Variants in STAB2 observed in about 807,000 individuals in gnomAD.
STAB2 encodes stabilin 2.
Under a neutral mutation model 338.1 loss-of-function variants are expected in STAB2, and 288 were observed. That is an observed-to-expected ratio of 0.85 (90% confidence interval 0.77 to 0.94). STAB2 has a LOEUF of 0.94. Ranked by LOEUF, STAB2 falls within the 40% of genes least tolerant of loss-of-function variation. The pLI is 0.00. For missense variants in STAB2, 3,141 were observed against 3,210.1 expected (o/e 0.98, Z 0.52); for synonymous variants, 1,202 against 1,193.3 (o/e 1.01, Z -0.15).
At position 103,750,702 on chromosome 12, in the gene STAB2, G is replaced by A. The variant is rs1464481902; in HGVS notation, c.6562G>A (p.Val2188Ile). The A allele has an allele frequency of 6.2e-7, 1 of 1,613,708 alleles. No individual in the cohort carries two copies. The highest frequency in any genetic ancestry group is 8.5e-7 in the Non-Finnish European group (1 of 1,179,730). ...NGQCHADAKC[V>I]DLHFQDTTVG... ...GCAGTGCCATGCAGACGCCAAATGT[G>A]TCGACCTCCACTTCCAGGGTTAGTG... The change falls in exon 60 of 69, where the codon GTC becomes ATC. Residue 2188 changes from valine to isoleucine, a missense_variant. Coordinates refer to ENST00000388887, the MANE Select transcript of STAB2 (RefSeq NM_017564.10).
rs1884990097 is a variant in STAB2 at position 103,766,710 on chromosome 12, CAG to C, written c.*376_*377del. On this transcript the variant is annotated 3_prime_UTR_variant, in exon 69 of 69. Coordinates refer to ENST00000388887, the MANE Select transcript of STAB2 (RefSeq NM_017564.10). ...CTGTGCACAATAAAGGTTTATGGAACAGAAACAAAGTCAACAGAACAAACCTA... is the reference window on the plus strand; with the variant it reads ...CTGTGCACAATAAAGGTTTATGGAACAAACAAAGTCAACAGAACAAACCTA... 2 of 185,608 alleles carry C rather than the reference CAG, an allele frequency of 1.1e-5. No individual in the cohort carries two copies. Among genetic ancestry groups the C allele is most frequent in the Non-Finnish European group, 2.3e-5 (2 of 87,418 alleles). The allele number at this position is 185,608 out of a possible 1,614,324, so 11.5% of individuals were successfully genotyped here.
chr12:103,637,223 C>T lies in STAB2; in HGVS notation c.696C>T (p.Gly232=). 6.2e-7 allele frequency: 1 copy of T among 1,611,244 alleles called. No homozygotes were observed. The highest frequency in any genetic ancestry group is 2.2e-5 in the East Asian group (1 of 44,796). Residue 232 remains glycine (G), a synonymous_variant, in exon 7 of 69, where the codon GGC becomes GGT. Transcript: ENST00000388887. ...GCCTTCCCAATTACCGAGGCGATGGCAAATACTGCGACCGTGAGTAGAATT... is the reference window on the plus strand; with the variant it reads ...GCCTTCCCAATTACCGAGGCGATGGTAAATACTGCGACCGTGAGTAGAATT... ...CKCLPNYRGD[G]KYCDPINPCL...
intron 5 of STAB2, among the ~76,000 whole-genome samples, chr12:103,623,498 G>C (rs1404865044): frequency 1.3e-5 from 2 of 152,166 alleles, no homozygotes; most frequent in Non-Finnish European, 2.9e-5. Flanking sequence ...GAGTGTCAGA[G>C]TTACGAAATA....
chr12:103,627,019 G>T (rs976456398), intron 5 of STAB2, among the ~76,000 whole-genome samples: 16 of 152,220 alleles, frequency 1.1e-4, no homozygotes, highest in African/African-American at 3.1e-4. Flanking sequence ...CTGGGCACCT[G>T]CTGTGTGTCA....
chr12:103,591,718 G>A (rs913932844), intron 2 of STAB2, among the ~76,000 whole-genome samples: 1 of 152,156 alleles, frequency 6.6e-6, no homozygotes, highest in Admixed American at 6.5e-5. Context: ...AAGATGAATT[G>A]CAGCATGGTT....
intron 6 of STAB2, among the ~76,000 whole-genome samples, chr12:103,632,194 G>A (rs1957474846): frequency 6.6e-6 from 1 of 152,224 alleles, no homozygotes; most frequent in Non-Finnish European, 1.5e-5. Context: ...GGGAAATTCT[G>A]AAAACAATCT....
In STAB2 at chr12:103,675,963, C is replaced by T. The variant is rs948487869; in HGVS notation, c.2588C>T (p.Thr863Ile). 1 of 1,612,974 alleles carries T rather than the reference C, an allele frequency of 6.2e-7. No homozygotes were observed. The highest frequency in any genetic ancestry group is 1.7e-5 in the Admixed American group (1 of 59,936). Residue 863 changes from threonine (T) to isoleucine (I), a missense_variant, in exon 24 of 69, where the codon ACT becomes ATT. Physicochemically the swap from Thr to Ile is moderately conservative, Grantham distance 89. Coordinates refer to ENST00000388887, the MANE Select transcript of STAB2 (RefSeq NM_017564.10). ...AAAGCAGGATATGAAGGAGATGGAA[C>T]TCTGTGTTCTGAGATGGACCCTTGC... is the stretch of plus-strand genomic sequence containing the variant. ...ICKAGYEGDG[T>I]LCSEMDPCTG...
chr12:103,589,244 G>A (rs1454511777), intron 1 of STAB2, among the ~76,000 whole-genome samples: 2 of 152,136 alleles, frequency 1.3e-5, no homozygotes, highest in African/African-American at 4.8e-5. Flanking sequence ...TTTCCACCAC[G>A]ACCAACCTAT....
At chr12:103,657,884 T>C (rs887771223) in intron 15 of STAB2, 1 of 152,182 alleles carries the variant, frequency 6.6e-6, no homozygotes, top group African/African-American at 2.4e-5. Context: ...AAATTCCCCA[T>C]CGGCTATGCC....
At position 103,730,153 on chromosome 12, in the gene STAB2, C is replaced by T; in HGVS notation, c.5120C>T (p.Ser1707Phe). The T allele has an allele frequency of 6.2e-7, 1 of 1,612,508 alleles. No homozygotes were observed. The highest frequency in any genetic ancestry group is 8.5e-7 in the Non-Finnish European group (1 of 1,179,484). ...VYINNKAKII[S>F]SDIISTNGIV... ...ATAAACAATAAGGCTAAGATCATAT[C>T]CAGTGATATCATCAGTACTAATGGG... The change falls in exon 49 of 69, where the codon TCC becomes TTC. Residue 1707 changes from serine to phenylalanine, a missense_variant. Transcript: ENST00000388887.
rs1207963058 is a variant in STAB2 at position 103,650,541 on chromosome 12, T to C, written c.1220T>C (p.Val407Ala). 7 of 1,613,228 alleles carry C rather than the reference T, an allele frequency of 4.3e-6. No individual in the cohort carries two copies. The highest frequency in any genetic ancestry group is 1.1e-5 in the South Asian group (1 of 91,068). Residue 407 changes from valine (V) to alanine (A), a missense_variant, in exon 11 of 69, where the codon GTG (valine) becomes GCG (alanine). Physicochemically the swap from Val to Ala is moderately conservative, Grantham distance 64. Coordinates refer to ENST00000388887, the MANE Select transcript of STAB2 (RefSeq NM_017564.10). ...CTGAGTAAGCTGGGACCCTTCACGG[T>C]GCTGTTACCTACAGACAAGGGACTG... Reference protein sequence around the residue: ...WPLSKLGPFTVLLPTDKGLKG... With the variant: ...WPLSKLGPFTALLPTDKGLKG...
chr12:103,751,248 G>T (rs1344167428), intron 60 of STAB2, among the ~76,000 whole-genome samples: 3 of 152,174 alleles, frequency 2.0e-5, no homozygotes, highest in Non-Finnish European at 4.4e-5. Flanking sequence ...GGCTAGAGGA[G>T]CTAGCAAGCC....
chr12:103,596,591 GAATA>G (rs1956878824), intron 3 of STAB2, among the ~76,000 whole-genome samples: 1 of 152,176 alleles, frequency 6.6e-6, no homozygotes, highest in Non-Finnish European at 1.5e-5. Context: ...AGTGTTTAAT[GAATA>G]AATGAATGGG....
At chr12:103,607,401 TTA>T (rs1957046762) in intron 3 of STAB2, among the ~76,000 whole-genome samples, 1 of 151,936 alleles carries the variant, frequency 6.6e-6, no homozygotes, top group African/African-American at 2.4e-5. Flanking sequence ...TTTTTTTTAA[TTA>T]TACTTTAAGT....
Position 103,763,588 on chromosome 12 carries a change from C to A in STAB2, c.7585C>A (p.Pro2529Thr), listed in dbSNP as rs776813927. 2 of 1,614,094 alleles carry A rather than the reference C, an allele frequency of 1.2e-6. No individual in the cohort carries two copies. Among genetic ancestry groups the A allele is most frequent in the South Asian group, 2.2e-5 (2 of 91,074 alleles). ...YESTTSAPPEPSYDPFTDSEE... is the reference protein window; with the variant it reads ...YESTTSAPPETSYDPFTDSEE... ...GAGCACAACCTCAGCTCCCCCAGAA[C>A]CTTCCTACGACCCCTTCACGGTGAG... The change falls in exon 68 of 69, where the codon CCT becomes ACT. Residue 2529 changes from proline to threonine, a missense_variant. Physicochemically the swap from Pro to Thr is conservative, Grantham distance 38. Transcript: ENST00000388887.
intron 25 of STAB2, among the ~76,000 whole-genome samples, chr12:103,679,858 CA>C (rs1876738678): frequency 6.6e-6 from 1 of 152,142 alleles, no homozygotes; most frequent in Non-Finnish European, 1.5e-5. Flanking sequence ...TCATAGTAGT[CA>C]AAAGATGAAC....
Position 103,674,081 on chromosome 12 carries a change from C to T in STAB2, c.2546C>T (p.Thr849Ile), listed in dbSNP as rs1209049378. The change falls in exon 23 of 69, where the codon ACA (threonine) becomes ATA (isoleucine). Residue 849 changes from threonine (T) to isoleucine (I), a missense_variant. Thr to Ile is a moderately conservative substitution (Grantham distance 89). Coordinates refer to ENST00000388887, the MANE Select transcript of STAB2 (RefSeq NM_017564.10). ...GCCACCTGTGAATACAGCAATGGGA[C>T]AGCCAGGTAGGTCTGTGAGGGAATG... ...IHATCEYSNG[T>I]ASCICKAGYE... 1.2e-6 allele frequency: 2 copies of T among 1,608,934 alleles called. No homozygotes were observed. Among genetic ancestry groups the T allele is most frequent in the South Asian group, 1.1e-5 (1 of 90,974 alleles).
At chr12:103,656,748 G>A (rs55742910) in intron 15 of STAB2, among the ~76,000 whole-genome samples, 25,163 of 146,664 alleles carry the variant, frequency 0.17, 2,227 homozygotes, top group South Asian at 0.23. Flanking sequence ...CTGCAGTGGC[G>A]CAATCTCGGC....
At chr12:103,690,402 C>T (rs1322815802) in intron 29 of STAB2, 22 bp from the exon 30 acceptor site, 2 of 1,573,660 alleles carry the variant, frequency 1.3e-6, no homozygotes, top group Non-Finnish European at 1.7e-6. Flanking sequence ...TGAATTATAG[C>T]CTTTGTGGAC....
Sources: allele counts gnomAD v4.1 joint callset (sites outside exome capture counted in the v4.1 genomes callset), GRCh38; gene constraint gnomAD v4.1.1; transcripts MANE v1.5; gene names NCBI Gene and HGNC (gene_info 2026-07-23, HGNC 2026-07-21).